The following MEMO1 variants were observed in gnomAD, a reference collection of about 807,000 sequenced individuals.
The protein encoded by MEMO1 is mediator of cell motility 1.
In MEMO1, 6 loss-of-function variants were observed where a neutral mutation model predicts 45.2. That is an observed-to-expected ratio of 0.13 (90% CI 0.07 to 0.26). MEMO1 has a LOEUF of 0.26. Among genes scored for constraint, MEMO1 ranks in the 10% least tolerant of loss-of-function variants. The probability of loss-of-function intolerance (pLI) is 1.00; values close to 1 mark genes in which losing one functional copy is unlikely to be tolerated. For synonymous variants in MEMO1, 78 were observed against 124.3 expected, an observed-to-expected ratio of 0.63 and a Z score of 2.48; for missense variants, 184 against 370.5, an observed-to-expected ratio of 0.50 and a Z score of 4.13.
intron 8 of MEMO1, among the ~76,000 whole-genome samples, chr2:31,874,175 C>CA (rs556987668): frequency 1.4e-4 from 22 of 151,902 alleles, no homozygotes; most frequent in African/African-American, 5.3e-4. Context: ...TGGTCTACAC[C>CA]AAAAAAAGTA....
At chr2:31,993,032 A>G (rs933872801) in intron 2 of MEMO1, among the ~76,000 whole-genome samples, 11 of 152,152 alleles carry the variant, frequency 7.2e-5, no homozygotes, top group Non-Finnish European at 1.3e-4. Context: ...ATTTTTCTAC[A>G]AATAGTGGCA....
intron 8 of MEMO1, among the ~76,000 whole-genome samples, chr2:31,878,151 G>A (rs897921755): frequency 6.6e-6 from 1 of 152,098 alleles, no homozygotes. Flanking sequence ...ACGGGCAAAC[G>A]CCCTAAGCTA....
chr2:31,983,712 G>A lies in MEMO1; in HGVS notation c.61+26475C>T, dbSNP rs368970931. On this transcript the variant is annotated intron_variant, in intron 2 of 9. Transcript: ENST00000404530. Reference sequence around the variant, plus strand: ...GCCACCCAAAGTGCTGGGATTACAGGCGTGAGCCACCGCGCCCGGCCCCAA... The same window carrying A: ...GCCACCCAAAGTGCTGGGATTACAGACGTGAGCCACCGCGCCCGGCCCCAA... Among the ~76,000 whole-genome samples, 222 of 152,368 alleles carry A rather than the reference G, an allele frequency of 1.5e-3. 8 individuals are homozygous for A. In the South Asian group the frequency reaches 0.044, roughly 30 times the overall value.
intron 2 of MEMO1, among the ~76,000 whole-genome samples, chr2:31,969,818 C>T (rs544971882): frequency 6.6e-6 from 1 of 151,748 alleles, no homozygotes; most frequent in East Asian, 1.9e-4. Flanking sequence ...CTATATTGCC[C>T]AGTCTGGTCT....
rs185896666 is a variant in MEMO1 at position 31,895,257 on chromosome 2, T to A, written c.438-3123A>T. On this transcript the variant is annotated intron_variant, in intron 6 of 9. Transcript: ENST00000404530. ...AGAAACAGCAAACTATGACCCATAT[T>A]CGGCGGGAAAAATAAGCAGCCAGCA... 1.3e-4 allele frequency among the ~76,000 whole-genome samples: 20 copies of A among 152,276 alleles called. No homozygotes were observed. In the East Asian group the frequency reaches 3.9e-3, roughly 29 times the overall value.
chr2:31,881,179 G>A (rs1051032605), intron 8 of MEMO1, among the ~76,000 whole-genome samples: 21 of 151,994 alleles, frequency 1.4e-4, no homozygotes, highest in African/African-American at 4.4e-4. Context: ...TTAGAACAAC[G>A]AATTGAAATT....
chr2:31,935,694 G>A (rs1458027074), intron 3 of MEMO1, among the ~76,000 whole-genome samples: 1 of 152,092 alleles, frequency 6.6e-6, no homozygotes, highest in Non-Finnish European at 1.5e-5. Context: ...TGGTAATGAA[G>A]AAAATCAGAA....
rs570700998 is a variant in MEMO1, at chr2:31,917,817, CACATCTTAATCTCCTTACCCTGATAA to C, written c.437+83_437+108del. 2,543 of 663,824 alleles carry C rather than the reference CACATCTTAATCTCCTTACCCTGATAA, an allele frequency of 3.8e-3. 24 individuals carry two copies. Among genetic ancestry groups the C allele is most frequent in the African/African-American group, 0.026 (1,403 of 53,404 alleles). 41.1% of individuals were successfully genotyped at this position (663,824 alleles called of 1,614,324 possible). Reference sequence around the variant, plus strand: ...ACATTCTTGTCTCAATTTTTTATCTCACATCTTAATCTCCTTACCCTGATAATTACTAGGATTTACTAGTTTTAAAT... The same window carrying C: ...ACATTCTTGTCTCAATTTTTTATCTCTTACTAGGATTTACTAGTTTTAAAT... On this transcript the variant is annotated intron_variant, in intron 6 of 9. Transcript: ENST00000404530.
intron 4 of MEMO1, among the ~76,000 whole-genome samples, chr2:31,929,101 G>A (rs932499097): frequency 6.6e-6 from 1 of 151,908 alleles, no homozygotes; most frequent in Non-Finnish European, 1.5e-5. Context: ...GCCAGTTCTG[G>A]ATTACAGGAA....
intron 3 of MEMO1, among the ~76,000 whole-genome samples, chr2:31,936,994 C>CT (rs1265225014): frequency 1.3e-5 from 2 of 152,176 alleles, no homozygotes; most frequent in African/African-American, 4.8e-5. Context: ...AAGGTAAGAT[C>CT]TAAAAAGCTA....
At chr2:31,886,907 A>G (rs998259695) in intron 7 of MEMO1, among the ~76,000 whole-genome samples, 1 of 152,160 alleles carries the variant, frequency 6.6e-6, no homozygotes, top group African/African-American at 2.4e-5. Flanking sequence ...GGGGCAGCAC[A>G]AGCTTTGGAA....
Position 31,969,415 on chromosome 2 carries a change from G to GTA in MEMO1, c.62-26034_62-26033dup, listed in dbSNP as rs1669037110. Among the ~76,000 whole-genome samples, 5 of 122,108 alleles carry GTA rather than the reference G, an allele frequency of 4.1e-5. No homozygotes were observed. The South Asian group carries it at 1.2e-3, about 30-fold the overall frequency. The allele number at this position is 122,108 out of a possible 152,430, so 80.1% of individuals were successfully genotyped here. ...TATACGTGTATATACATATATACACGTATATATACATATATGTGTGTGTAT... is the reference window on the plus strand; with the variant it reads ...TATACGTGTATATACATATATACACGTATATATATACATATATGTGTGTGTAT... On this transcript the variant is annotated intron_variant, in intron 2 of 9. Coordinates refer to ENST00000404530, the MANE Select transcript of MEMO1 (RefSeq NM_001301833.4).
intron 7 of MEMO1, among the ~76,000 whole-genome samples, chr2:31,889,500 C>T (rs189393962): frequency 1.3e-5 from 2 of 152,100 alleles, no homozygotes; most frequent in East Asian, 3.9e-4. Context: ...GGCACACTTA[C>T]TAATTTAGGA....
At chr2:31,941,004 T>C (rs1183693706) in intron 3 of MEMO1, among the ~76,000 whole-genome samples, 1 of 152,204 alleles carries the variant, frequency 6.6e-6, no homozygotes, top group African/African-American at 2.4e-5. Context: ...GGACTCCCTG[T>C]TCCCACATAA....
intron 2 of MEMO1, among the ~76,000 whole-genome samples, chr2:31,956,531 A>T (rs777685202): frequency 5.9e-5 from 9 of 152,264 alleles, no homozygotes; most frequent in Non-Finnish European, 1.2e-4. Context: ...CCAGAGGATG[A>T]CACCATGTAA....
intron 4 of MEMO1, among the ~76,000 whole-genome samples, chr2:31,925,203 T>A (rs1057317639): frequency 1.3e-5 from 2 of 152,084 alleles, no homozygotes; most frequent in Admixed American, 6.6e-5. Flanking sequence ...CTCGGTTGGG[T>A]GCAGTGCCTC....
rs545324504 is a variant in MEMO1, at chr2:31,889,428, G to C, written c.580+2564C>G. 2.0e-4 allele frequency among the ~76,000 whole-genome samples: 30 copies of C among 152,014 alleles called. 1 individual carries two copies. In the South Asian group the frequency reaches 5.6e-3, roughly 28 times the overall value. Reference sequence around the variant, plus strand: ...AAGCTGTATAGTATCTCTTTAAAAAGAAAGAAAAACCATTAAGTATTATCT... The same window carrying C: ...AAGCTGTATAGTATCTCTTTAAAAACAAAGAAAAACCATTAAGTATTATCT... On this transcript the variant is annotated intron_variant, in intron 7 of 9. Coordinates refer to ENST00000404530, the MANE Select transcript of MEMO1 (RefSeq NM_001301833.4).
chr2:31,894,526 A>C (rs1677448224), intron 6 of MEMO1, among the ~76,000 whole-genome samples: 1 of 152,158 alleles, frequency 6.6e-6, no homozygotes, highest in Non-Finnish European at 1.5e-5. Flanking sequence ...AATTTTCCAC[A>C]CATCCTGAAG....
chr2:31,908,021 A>C lies in MEMO1; in HGVS notation c.437+9905T>G, dbSNP rs553360081. On this transcript the variant is annotated intron_variant, in intron 6 of 9. Transcript: ENST00000404530. ...GTGGTAAAGTTAAATGGTAAAAAAA[A>C]TTCTTTTTACAACCACCACAAAATA... 3.3e-5 allele frequency among the ~76,000 whole-genome samples: 5 copies of C among 152,292 alleles called. No individual in the cohort carries two copies. In the East Asian group the frequency reaches 7.7e-4, roughly 23 times the overall value.
Sources: gnomAD v4.1 joint callset for allele counts (sites outside exome capture counted in the v4.1 genomes callset) on GRCh38, gnomAD v4.1.1 for gene constraint, MANE v1.5 for transcripts, NCBI Gene and HGNC (gene_info 2026-07-23, HGNC 2026-07-21) for gene names.